ELAVL2: variants seen among roughly 807,000 people sequenced by gnomAD.
The protein encoded by ELAVL2 is ELAV-like protein 2.
Under a neutral mutation model 34.6 loss-of-function variants are expected in ELAVL2, and 4 were observed. The observed-to-expected ratio is 0.12, with a 90% CI of 0.06 to 0.26. The LOEUF is 0.26. Ranked by LOEUF, ELAVL2 falls within the 10% of genes least tolerant of loss-of-function variation. ELAVL2 has a pLI of 1.00. For synonymous variants in ELAVL2, 193 were observed against 154.8 expected (o/e 1.25, Z -1.83); for missense variants, 432 against 442.8 (o/e 0.98, Z 0.22).
In ELAVL2 at chr9:23,701,573, A is replaced by C. The variant is rs780759086; in HGVS notation, c.519T>G (p.Phe173Leu). 3 of 1,614,016 alleles carry C rather than the reference A, an allele frequency of 1.9e-6. No homozygotes were observed. Among genetic ancestry groups the C allele is most frequent in the East Asian group, 4.5e-5 (2 of 44,890 alleles). ...CTTCTTCTGCCTCAATTCGCTTGTC[A>C]AATCGAATAAACCCTACACCCCTTG... The part of the protein sequence containing the change: ...GISRGVGFIR[F>L]DKRIEAEEAI... Residue 173 changes from phenylalanine to leucine, a missense_variant, in exon 5 of 7, where the codon TTT becomes TTG. Physicochemically the swap from Phe to Leu is conservative, Grantham distance 22. Coordinates refer to ENST00000397312, the MANE Select transcript of ELAVL2 (RefSeq NM_004432.5).
chr9:23,793,686 T>G (rs971440083), intron 1 of ELAVL2, among the ~76,000 whole-genome samples: 7 of 152,118 alleles, frequency 4.6e-5, no homozygotes, highest in Non-Finnish European at 1.0e-4. Flanking sequence ...ATCATGTGAG[T>G]GACAAAACAC....
At chr9:23,846,065 A>C in the ELAVL2 span, among the ~76,000 whole-genome samples, 6 of 151,908 alleles carry the variant, frequency 3.9e-5, no homozygotes, top group African/African-American at 1.4e-4. Context: ...GGCAATATTT[A>C]TGTCCCAATC....
intron 1 of ELAVL2, among the ~76,000 whole-genome samples, chr9:23,772,671 T>A (rs564483987): frequency 1.3e-5 from 2 of 152,214 alleles, no homozygotes; most frequent in East Asian, 3.9e-4. Flanking sequence ...TGATGTATTG[T>A]GGAGAGCAAA....
chr9:23,804,762 G>C (rs1309439983), intron 1 of ELAVL2, among the ~76,000 whole-genome samples: 1 of 152,104 alleles, frequency 6.6e-6, no homozygotes, highest in Non-Finnish European at 1.5e-5. Flanking sequence ...TGTAGAGAGG[G>C]CACTGGGGGA....
At position 23,762,058 on chromosome 9, in the gene ELAVL2, A is replaced by C; in HGVS notation, c.177T>G (p.Phe59Leu). Residue 59 changes from phenylalanine to leucine, a missense_variant, in exon 2 of 7, where the codon TTT (phenylalanine) becomes TTG (leucine). Physicochemically the swap from Phe to Leu is conservative, Grantham distance 22 (BLOSUM62 0). Transcript: ENST00000397312. ...NMTQEELKSLFGSIGEIESCK... is the reference protein window; with the variant it reads ...NMTQEELKSLLGSIGEIESCK... ...AGGACTCTATTTCACCAATGCTCCC[A>C]AAGAGACTCTTTAGTTCCTCCTGTG... is the stretch of plus-strand genomic sequence containing the variant. 6.2e-7 allele frequency: 1 copy of C among 1,613,396 alleles called. No homozygotes were observed. Among genetic ancestry groups the C allele is most frequent in the Non-Finnish European group, 8.5e-7 (1 of 1,179,532 alleles).
chr9:23,747,552 G>T (rs536509792), intron 2 of ELAVL2, among the ~76,000 whole-genome samples: 4 of 152,204 alleles, frequency 2.6e-5, no homozygotes, highest in African/African-American at 9.6e-5. Flanking sequence ...GGTTAAGCTT[G>T]AGTCATCTTT....
chr9:23,730,841 T>C (rs962586980), intron 3 of ELAVL2, among the ~76,000 whole-genome samples, 181 bp downstream of exon 3: 1 of 152,104 alleles, frequency 6.6e-6, no homozygotes, highest in African/African-American at 2.4e-5. Context: ...CATGAATGAT[T>C]ATACATAGCA....
chr9:23,735,079 A>AC (rs1257085200), intron 2 of ELAVL2, among the ~76,000 whole-genome samples: 1 of 143,934 alleles, frequency 6.9e-6, no homozygotes, highest in Non-Finnish European at 1.5e-5. Context: ...GACTATTCTG[A>AC]CCAAAATGAC....
At chr9:23,821,650 C>A in intron 1 of ELAVL2, 1 of 152,598 alleles carries the variant, frequency 6.6e-6, no homozygotes, top group South Asian at 2.0e-4. Flanking sequence ...TGCCGCTGGC[C>A]GTCAGCACTG....
At chr9:23,772,134 T>G (rs564774810) in intron 1 of ELAVL2, among the ~76,000 whole-genome samples, 1 of 152,294 alleles carries the variant, frequency 6.6e-6, no homozygotes, top group African/African-American at 2.4e-5. Flanking sequence ...AACACAGAAA[T>G]TGGATTAACT....
chr9:23,835,512 T>G, the ELAVL2 span, among the ~76,000 whole-genome samples: 1 of 152,120 alleles, frequency 6.6e-6, no homozygotes, highest in African/African-American at 2.4e-5. Context: ...CTATTTAGAT[T>G]GTGCTTGAAA....
At chr9:23,825,030 T>TTA (rs2065209379) in intron 1 of ELAVL2, among the ~76,000 whole-genome samples, 1 of 152,156 alleles carries the variant, frequency 6.6e-6, no homozygotes, top group South Asian at 2.1e-4. Context: ...AGCCGGCACT[T>TTA]CATAGACACA....
intron 1 of ELAVL2, among the ~76,000 whole-genome samples, chr9:23,816,317 TA>T (rs10717104): frequency 0.29 from 12,858 of 44,312 alleles, 889 homozygotes; most frequent in African/African-American, 0.43. Context: ...AAGCTTTCAG[TA>T]AAAAAAAAAA....
intron 3 of ELAVL2, among the ~76,000 whole-genome samples, chr9:23,712,696 A>G (rs1396552482): frequency 6.6e-6 from 1 of 152,168 alleles, no homozygotes; most frequent in Non-Finnish European, 1.5e-5. Context: ...CAGAATGGCA[A>G]CTGGCTGTTT....
At chr9:23,698,315 T>C (rs1487857967) in intron 5 of ELAVL2, among the ~76,000 whole-genome samples, 1 of 152,176 alleles carries the variant, frequency 6.6e-6, no homozygotes, top group Admixed American at 6.5e-5. Flanking sequence ...CTGCAGTCAA[T>C]TAAATAAGCG....
intron 1 of ELAVL2, among the ~76,000 whole-genome samples, chr9:23,784,067 G>T (rs561764171): frequency 6.6e-6 from 1 of 151,974 alleles, no homozygotes; most frequent in Admixed American, 6.5e-5. Context: ...GCATGGTGGC[G>T]GGCGCCTGTA....
intron 1 of ELAVL2, among the ~76,000 whole-genome samples, chr9:23,770,376 C>A (rs1394831102): frequency 6.6e-6 from 1 of 152,116 alleles, no homozygotes; most frequent in Admixed American, 6.6e-5. Flanking sequence ...ATCCCCTTCC[C>A]CTCAATGTCT....
intron 2 of ELAVL2, among the ~76,000 whole-genome samples, chr9:23,740,259 C>G (rs1158911292): frequency 6.6e-6 from 1 of 152,152 alleles, no homozygotes; most frequent in African/African-American, 2.4e-5. Context: ...AACTAGGATC[C>G]TTACATTACA....
intron 1 of ELAVL2, among the ~76,000 whole-genome samples, chr9:23,808,288 G>T (rs1462596981): frequency 1.3e-5 from 2 of 152,052 alleles, no homozygotes; most frequent in African/African-American, 4.8e-5. Context: ...ATAATTTGTA[G>T]AACTTTAACA....
Sources: allele counts gnomAD v4.1 joint callset (sites outside exome capture counted in the v4.1 genomes callset), GRCh38; gene constraint gnomAD v4.1.1; transcripts MANE v1.5; gene names NCBI Gene and HGNC (gene_info 2026-07-23, HGNC 2026-07-21).